The following SLC25A10 variants were observed in gnomAD, a reference collection of about 807,000 sequenced individuals.
SLC25A10 encodes the protein solute carrier family 25 member 10, also known as mitochondrial dicarboxylate carrier.
Under a neutral mutation model 40.4 loss-of-function variants are expected in SLC25A10, and 32 were observed. That is an observed-to-expected ratio of 0.79 (90% confidence interval 0.60 to 1.06). The LOEUF (loss-of-function observed/expected upper bound fraction) is 1.06. SLC25A10 is among the 50% of genes least tolerant of loss of function. SLC25A10 has a pLI of 0.00. For synonymous variants in SLC25A10, 181 were observed against 171.1 expected (o/e 1.06, Z -0.45); for missense variants, 394 against 402.6 (o/e 0.98, Z 0.18).
At chr17:81,715,336 C>A (rs1257570989) in intron 2 of SLC25A10, 142 bp from the exon 3 acceptor site, 1 of 829,920 alleles carries the variant, frequency 1.2e-6, no homozygotes, top group Non-Finnish European at 1.9e-6. Flanking sequence ...GGCTCAGCCG[C>A]ATGCTGGCAC....
chr17:81,715,773 A>G (rs767388228), intron 4 of SLC25A10, 32 bp downstream of exon 4: 2 of 1,612,476 alleles, frequency 1.2e-6, no homozygotes, highest in Non-Finnish European at 1.7e-6. Context: ...CTGCAAGGCC[A>G]GGGGCTTTCT....
Position 81,712,378 on chromosome 17 carries a change from A to C in SLC25A10, c.-49A>C, listed in dbSNP as rs2037397795. ...CGCTGCGGCCGGTACACGCCGGGGTAGGGCCGGGGTCGGGTTGTGGTCGGG... is the reference window on the plus strand; with the variant it reads ...CGCTGCGGCCGGTACACGCCGGGGTCGGGCCGGGGTCGGGTTGTGGTCGGG... On this transcript the variant is annotated 5_prime_UTR_variant, in exon 1 of 11. Transcript: ENST00000350690. 5 of 1,145,932 alleles carry C rather than the reference A, an allele frequency of 4.4e-6. No individual in the cohort carries two copies. The highest frequency in any genetic ancestry group is 4.4e-6 in the Non-Finnish European group (4 of 910,338). 71.0% of individuals were successfully genotyped at this position (1,145,932 alleles called of 1,614,324 possible).
At chr17:81,717,122 C>T (rs370425879) in intron 7 of SLC25A10, 50 bp downstream of exon 7, 19 of 1,576,352 alleles carry the variant, frequency 1.2e-5, no homozygotes, top group African/African-American at 1.3e-5. Context: ...GACCACTGAC[C>T]TCCATCTTCA....
chr17:81,715,521 G>A lies in SLC25A10; in HGVS notation c.257G>A (p.Arg86Gln), dbSNP rs556809301. The A allele has an allele frequency of 7.4e-6, 12 of 1,612,828 alleles. No homozygotes were observed. In the Middle Eastern group the frequency reaches 4.9e-4, roughly 66 times the overall value. Reference protein sequence around the residue: ...LTRFAIYETVRDRVAKGSQGP... With the variant: ...LTRFAIYETVQDRVAKGSQGP... ...CGGTTCGCCATCTACGAGACTGTGC[G>A]GGACCGTGTGGCCAAGGGCAGCCAG... The change falls in exon 3 of 11, where the codon CGG becomes CAG. Residue 86 changes from arginine to glutamine, a missense_variant. Transcript: ENST00000350690.
intron 1 of SLC25A10, chr17:81,713,551 C>T (rs2037424126): frequency 6.3e-6 from 6 of 946,670 alleles, no homozygotes; most frequent in Non-Finnish European, 7.6e-6. Context: ...CCTCACTGGT[C>T]CTGGGAGAGG....
At chr17:81,718,084 G>T (rs1418190743) in intron 9 of SLC25A10, among the ~76,000 whole-genome samples, 1 of 152,196 alleles carries the variant, frequency 6.6e-6, no homozygotes, top group African/African-American at 2.4e-5. Flanking sequence ...AGTGGCTCAT[G>T]CCTGTAACCC....
Position 81,716,999 on chromosome 17 carries a change from C to T in SLC25A10, c.464-3C>T, listed in dbSNP as rs966672329. 1 of 1,613,666 alleles carries T rather than the reference C, an allele frequency of 6.2e-7. No individual in the cohort carries two copies. The highest frequency in any genetic ancestry group is 8.5e-7 in the Non-Finnish European group (1 of 1,179,882). On this transcript the variant is annotated splice_region_variant and splice_polypyrimidine_tract_variant and intron_variant, in intron 6 of 10. Coordinates refer to ENST00000350690, the MANE Select transcript of SLC25A10 (RefSeq NM_012140.5). The stretch of plus-strand genomic sequence containing the variant: ...CCCCTTGCCTCACCCCTTCCTTGTG[C>T]AGAGGGTCTCAGGAGACTGTTCTCG...
At chr17:81,716,779 G>A in intron 5 of SLC25A10, 33 bp from the exon 6 acceptor site, 1 of 1,594,246 alleles carries the variant, frequency 6.3e-7, no homozygotes, top group Non-Finnish European at 8.5e-7. Context: ...TGGTCAGGGG[G>A]AGTCTCATGT....
rs765790359 is a variant in SLC25A10 at position 81,715,063 on chromosome 17, G to A, written c.204G>A (p.Leu68=). 1 of 1,609,536 alleles carries A rather than the reference G, an allele frequency of 6.2e-7. No individual in the cohort carries two copies. Among genetic ancestry groups the A allele is most frequent in the Non-Finnish European group, 8.5e-7 (1 of 1,179,790 alleles). ...TCTACAGCGGCCTGAGCGCCTCGCT[G>A]TGCAGACAGGTGCGTGGTGTGTGCC... ...LALYSGLSAS[L]CRQMTYSLTR... Residue 68 remains leucine (L), a synonymous_variant, in exon 2 of 11, where the codon CTG becomes CTA. Coordinates refer to ENST00000350690, the MANE Select transcript of SLC25A10 (RefSeq NM_012140.5).
At chr17:81,719,565 C>A (rs2037550694) in intron 9 of SLC25A10, among the ~76,000 whole-genome samples, 1 of 152,218 alleles carries the variant, frequency 6.6e-6, no homozygotes, top group Non-Finnish European at 1.5e-5. Flanking sequence ...TGTTCACAGC[C>A]CCCTCTGCCC....
chr17:81,717,739 G>T, intron 8 of SLC25A10, 45 bp from the exon 9 acceptor site: 1 of 1,591,940 alleles, frequency 6.3e-7, no homozygotes, highest in South Asian at 1.1e-5. Flanking sequence ...CGGCGATGGT[G>T]CCTGGCGTAC....
At chr17:81,717,298 C>G in intron 7 of SLC25A10, 101 bp from the exon 8 acceptor site, 1 of 1,212,236 alleles carries the variant, frequency 8.2e-7, no homozygotes, top group Non-Finnish European at 1.2e-6. Flanking sequence ...ACAGACGGAG[C>G]AGGTGCTTGG....
chr17:81,715,164 T>G (rs1465738724), intron 2 of SLC25A10, 92 bp downstream of exon 2: 1 of 1,529,180 alleles, frequency 6.5e-7, no homozygotes, highest in Non-Finnish European at 8.8e-7. Context: ...CAAGACTTTG[T>G]GCAAGGAAGG....
intron 1 of SLC25A10, chr17:81,713,223 T>C (rs1032391107): frequency 6.6e-6 from 1 of 152,392 alleles, no homozygotes; most frequent in Non-Finnish European, 1.5e-5. Flanking sequence ...TTTTAATGCT[T>C]ATGGGGCAAA....
chr17:81,717,256 A>T, intron 7 of SLC25A10, 143 bp from the exon 8 acceptor site: 4 of 1,009,346 alleles, frequency 4.0e-6, no homozygotes, highest in Non-Finnish European at 6.0e-6. Flanking sequence ...GACCTCGGGC[A>T]GGTGCCTCCC....
In SLC25A10 at chr17:81,717,144, G is replaced by A. The variant is rs7503349; in HGVS notation, c.534+72G>A. 4.5e-6 allele frequency: 7 copies of A among 1,539,140 alleles called. No individual in the cohort carries two copies. The South Asian group carries it at 5.6e-5, about 12-fold the overall frequency. Reference sequence around the variant, plus strand: ...GACCTCCATCTTCAGAGGGGCCATAGAACAAGGCACTGGGCGCCAAAACCC... The same window carrying A: ...GACCTCCATCTTCAGAGGGGCCATAAAACAAGGCACTGGGCGCCAAAACCC... On this transcript the variant is annotated intron_variant, in intron 7 of 10. Transcript: ENST00000350690.
intron 1 of SLC25A10, among the ~76,000 whole-genome samples, chr17:81,714,261 C>T (rs1354694071): frequency 6.6e-6 from 1 of 152,228 alleles, no homozygotes. Flanking sequence ...CTGTCTGGCC[C>T]TGGCCAATCC....
At position 81,715,502 on chromosome 17, in the gene SLC25A10, G is replaced by T; in HGVS notation, c.238G>T (p.Ala80Ser). 1.9e-6 allele frequency: 3 copies of T among 1,612,748 alleles called. No homozygotes were observed. The highest frequency in any genetic ancestry group is 1.6e-4 in the Middle Eastern group (1 of 6,062). Residue 80 changes from alanine to serine, a missense_variant, in exon 3 of 11, where the codon GCC (alanine) becomes TCC (serine). Transcript: ENST00000350690. ...RQMTYSLTRF[A>S]IYETVRDRVA... ...GATGACCTACTCCCTGACTCGGTTC[G>T]CCATCTACGAGACTGTGCGGGACCG... is the stretch of plus-strand genomic sequence containing the variant.
In SLC25A10 at chr17:81,719,886, A is replaced by G. The variant is rs1380253430; in HGVS notation, c.761A>G (p.Lys254Arg). 2 of 1,613,858 alleles carry G rather than the reference A, an allele frequency of 1.2e-6. No homozygotes were observed. The highest frequency in any genetic ancestry group is 2.2e-5 in the East Asian group (1 of 44,886). ...TAKLGPLAFY[K>R]GLVPAGIRLI... ...AAGCTCGGGCCTCTGGCCTTTTACA[A>G]GGTGCAGTGGTGGCGGCAGTGGCGG... Residue 254 changes from lysine to arginine, a missense_variant and splice_region_variant, in exon 10 of 11, where the codon AAG becomes AGG. Physicochemically the swap from Lys to Arg is conservative, Grantham distance 26. Transcript: ENST00000350690.
Sources: gnomAD v4.1 joint callset for allele counts (sites outside exome capture counted in the v4.1 genomes callset) on GRCh38, gnomAD v4.1.1 for gene constraint, MANE v1.5 for transcripts, NCBI Gene and HGNC (gene_info 2026-07-23, HGNC 2026-07-21) for gene names.